FBXW4: variants seen among roughly 807,000 people sequenced by gnomAD.
FBXW4 encodes F-box/WD repeat-containing protein 4.
FBXW4 carries 40 observed loss-of-function variants against 61.8 expected under a neutral mutation model. The ratio of observed to expected loss-of-function variants is 0.65; its 90% CI spans 0.50 to 0.84. The LOEUF (loss-of-function observed/expected upper bound fraction) is 0.84, where lower values mean the gene tolerates loss of function less well. Ranked by LOEUF, FBXW4 falls within the 40% of genes least tolerant of loss-of-function variation. The pLI, the probability that FBXW4 is intolerant of heterozygous loss-of-function variation, is 0.00. For synonymous variants in FBXW4, 311 were observed against 313.8 expected, an observed-to-expected ratio of 0.99 and a Z score of 0.10; for missense variants, 672 against 753.8, an observed-to-expected ratio of 0.89 and a Z score of 1.27.
At chr10:101,671,875 G>A (rs950506573) in intron 4 of FBXW4, among the ~76,000 whole-genome samples, 1 of 152,214 alleles carries the variant, frequency 6.6e-6, no homozygotes, top group Non-Finnish European at 1.5e-5. Flanking sequence ...CTGTGCTGGT[G>A]TGAGTACAAA....
chr10:101,611,621 C>CACTT lies in FBXW4; in HGVS notation c.1584+3_1584+6dup, dbSNP rs1204589407. 6.2e-6 allele frequency: 10 copies of CACTT among 1,613,700 alleles called. No homozygotes were observed. The highest frequency in any genetic ancestry group is 7.6e-6 in the Non-Finnish European group (9 of 1,179,780). On this transcript the variant is annotated splice_region_variant and intron_variant, in intron 8 of 8. Transcript: ENST00000331272. The surrounding 1 kb of genome is among the most constrained non-coding windows in gnomAD (Gnocchi z 4.9). ...CATGCTGGAGAAGAGGTGGGCAGGA[C>CACTT]ACTTACGTGCAGGCAGGCCCTTTGA...
intron 5 of FBXW4, among the ~76,000 whole-genome samples, chr10:101,654,247 T>G (rs978917031): frequency 1.1e-4 from 17 of 151,810 alleles, no homozygotes; most frequent in Admixed American, 4.6e-4. Flanking sequence ...AAAGCAAATG[T>G]AAGGGAAGAT....
At chr10:101,635,318 G>A (rs181601304) in intron 5 of FBXW4, among the ~76,000 whole-genome samples, 1 of 127,056 alleles carries the variant, frequency 7.9e-6, no homozygotes, top group Admixed American at 7.5e-5. Context: ...ATTATGGTGA[G>A]TTGTATAATT....
intron 6 of FBXW4, among the ~76,000 whole-genome samples, chr10:101,614,156 TCTC>T (rs1338054145): frequency 8.5e-5 from 13 of 152,192 alleles, no homozygotes; most frequent in Admixed American, 8.5e-4. Flanking sequence ...GCTCCACAGT[TCTC>T]CTCCCTCTTC....
chr10:101,662,679 T>A lies in FBXW4; in HGVS notation c.1235+5207A>T, dbSNP rs574891388. 2.6e-5 allele frequency among the ~76,000 whole-genome samples: 4 copies of A among 152,220 alleles called. No individual in the cohort carries two copies. In the South Asian group the frequency reaches 8.3e-4, roughly 32 times the overall value. ...GGAAAGGGTTTTGCTAAGCACCTTT[T>A]TTTTCTTGGAGGGCAATACATATGG... On this transcript the variant is annotated intron_variant, in intron 5 of 8. Coordinates refer to ENST00000331272, the MANE Select transcript of FBXW4 (RefSeq NM_022039.4).
At chr10:101,627,888 C>A in intron 5 of FBXW4, 1 of 900,952 alleles carries the variant, frequency 1.1e-6, no homozygotes, top group Non-Finnish European at 1.3e-6. Context: ...TGAAAAGGGG[C>A]TGGTGGGGTG....
rs1172583377 is a variant in FBXW4, at chr10:101,611,884, GAGAA to G, written c.1443-119_1443-116del. 1.6e-6 allele frequency: 2 copies of G among 1,246,840 alleles called. No homozygotes were observed. The highest frequency in any genetic ancestry group is 2.2e-6 in the Non-Finnish European group (2 of 921,404). The allele number at this position is 1,246,840 out of a possible 1,614,324, so 77.2% of individuals were successfully genotyped here. A position where few individuals can be genotyped will look rare whatever the true frequency, so the allele number is the denominator to read the frequency against. ...GTTAAGGAGCCATTCCGGGATGGAA[GAGAA>G]AGAAGCCTAAATCATCAGATTCATC... is the stretch of plus-strand genomic sequence containing the variant. On this transcript the variant is annotated intron_variant, in intron 7 of 8. Transcript: ENST00000331272. The surrounding 1 kb of genome is among the most constrained non-coding windows in gnomAD (Gnocchi z 4.9).
At position 101,694,645 on chromosome 10, in the gene FBXW4, A is replaced by ATGGCCT; in HGVS notation, c.460_461insAGGCCA (p.Val154delinsGluAlaMet). 1.4e-6 allele frequency: 2 copies of ATGGCCT among 1,415,834 alleles called. No homozygotes were observed. Among genetic ancestry groups the ATGGCCT allele is most frequent in the Middle Eastern group, 2.1e-4 (1 of 4,802 alleles). 87.7% of individuals were successfully genotyped at this position (1,415,834 alleles called of 1,614,324 possible). ...CTCCCCGGCCGCCGCCGCCATGGCC[A>ATGGCCT]CCCCTGTCCCCGCGATGTCGGCCCA... On this transcript the variant is annotated protein_altering_variant, in exon 1 of 9. Coordinates refer to ENST00000331272, the MANE Select transcript of FBXW4 (RefSeq NM_022039.4). This position sits in a 1 kb window ranked among gnomAD's most constrained non-coding sequence, Gnocchi z 6.0.
chr10:101,667,751 G>T (rs992809821), intron 5 of FBXW4, 135 bp downstream of exon 5: 4 of 735,008 alleles, frequency 5.4e-6, no homozygotes, highest in Non-Finnish European at 9.4e-6. Context: ...ATCTCTGGAG[G>T]ATTAAAAAAT....
At chr10:101,642,642 G>A (rs1285695138) in intron 5 of FBXW4, among the ~76,000 whole-genome samples, 4 of 152,126 alleles carry the variant, frequency 2.6e-5, no homozygotes, top group Non-Finnish European at 5.9e-5. Context: ...CAGTCTGTAG[G>A]CACCAAATTC....
intron 5 of FBXW4, among the ~76,000 whole-genome samples, chr10:101,654,147 C>G (rs1052220977): frequency 1.6e-5 from 2 of 126,430 alleles, no homozygotes; most frequent in Non-Finnish European, 3.4e-5. Context: ...AAATCCAAAG[C>G]TTATATTATC....
chr10:101,611,122 C>T lies in FBXW4; in HGVS notation c.*169G>A. ...GGAGGGACTGCATCTCTGGTAAGCT[C>T]CAAAGTCCCAGGAGTCAGAAGCCTC... On this transcript the variant is annotated 3_prime_UTR_variant, in exon 9 of 9. Coordinates refer to ENST00000331272, the MANE Select transcript of FBXW4 (RefSeq NM_022039.4). The surrounding 1 kb of genome is among the most constrained non-coding windows in gnomAD (Gnocchi z 4.9). 2 of 831,308 alleles carry T rather than the reference C, an allele frequency of 2.4e-6. No individual in the cohort carries two copies. Among genetic ancestry groups the T allele is most frequent in the Non-Finnish European group, 3.7e-6 (2 of 546,426 alleles). 51.5% of individuals were successfully genotyped at this position (831,308 alleles called of 1,614,324 possible).
chr10:101,676,185 G>A (rs1462423098), intron 2 of FBXW4, among the ~76,000 whole-genome samples, 156 bp downstream of exon 2: 1 of 152,034 alleles, frequency 6.6e-6, no homozygotes, highest in African/African-American at 2.4e-5. Context: ...ATGTGAAAAA[G>A]TTGTCCTTCT....
At chr10:101,682,264 C>T (rs2064486523) in intron 1 of FBXW4, among the ~76,000 whole-genome samples, 1 of 152,144 alleles carries the variant, frequency 6.6e-6, no homozygotes, top group African/African-American at 2.4e-5. Context: ...CTTGGCTATA[C>T]ACATGTTAAG....
chr10:101,673,506 T>C lies in FBXW4; in HGVS notation c.989A>G (p.His330Arg), dbSNP rs752803295. The change falls in exon 3 of 9, where the codon CAT (histidine) becomes CGT (arginine). Residue 330 changes from histidine to arginine, a missense_variant. Around this residue, in one of 5 missense-constraint regions of FBXW4, gnomAD observed 312 missense variants for 370.1 expected, o/e 0.84. Coordinates refer to ENST00000331272, the MANE Select transcript of FBXW4 (RefSeq NM_022039.4). Reference protein sequence around the residue: ...DVCHFVLANSHIVSAGGDGKI... With the variant: ...DVCHFVLANSRIVSAGGDGKI... ...CACTTACCCTCCTGCACTAACAATA[T>C]GCGAGTTGGCCAGCACAAAGTGGCA... 4 of 1,613,898 alleles carry C rather than the reference T, an allele frequency of 2.5e-6. No homozygotes were observed. Among genetic ancestry groups the C allele is most frequent in the East Asian group, 4.5e-5 (2 of 44,872 alleles).
intron 5 of FBXW4, among the ~76,000 whole-genome samples, chr10:101,642,390 T>A (rs1255525415): frequency 1.3e-5 from 2 of 151,612 alleles, no homozygotes; most frequent in African/African-American, 4.8e-5. Context: ...ATCTCTATTT[T>A]TTTTTTTAAT....
chr10:101,674,456 C>A (rs79328718), intron 2 of FBXW4, among the ~76,000 whole-genome samples: 224 of 152,232 alleles, frequency 1.5e-3, no homozygotes, highest in Middle Eastern at 3.4e-3. Flanking sequence ...ATACCTCTTC[C>A]GCAATAGATC....
At chr10:101,612,543 G>C (rs1313082067) in intron 6 of FBXW4, 66 bp from the exon 7 acceptor site, 2 of 1,406,112 alleles carry the variant, frequency 1.4e-6, no homozygotes, top group Admixed American at 4.7e-5. Context: ...TCCACCTTCA[G>C]AAGGCATCAG....
At chr10:101,645,141 G>C (rs1029034138) in intron 5 of FBXW4, among the ~76,000 whole-genome samples, 14 of 152,214 alleles carry the variant, frequency 9.2e-5, no homozygotes, top group African/African-American at 3.4e-4. Flanking sequence ...GCCTTTGCAA[G>C]AGTTTCAGAG....
Sources: gnomAD v4.1 joint callset for allele counts (sites outside exome capture counted in the v4.1 genomes callset) on GRCh38, gnomAD v4.1.1 for gene constraint, gnomAD v4.1.1 regional missense constraint, Gnocchi (gnomAD v3.1) non-coding constraint, MANE v1.5 for transcripts, NCBI Gene and HGNC (gene_info 2026-07-23, HGNC 2026-07-21) for gene names.